Variants in BNC2 observed in about 807,000 individuals in gnomAD.
BNC2 encodes zinc finger protein basonuclin-2.
In BNC2, 20 loss-of-function variants were observed where a neutral mutation model predicts 76.3. The observed-to-expected ratio is 0.26, with a 90% CI of 0.18 to 0.38. The LOEUF (loss-of-function observed/expected upper bound fraction) is 0.38. BNC2 is among the 10% of genes least tolerant of loss of function. The probability of loss-of-function intolerance (pLI) is 1.00; values close to 1 mark genes in which losing one functional copy is unlikely to be tolerated. For synonymous variants in BNC2, 582 were observed against 514.8 expected (o/e 1.13, Z -1.77); for missense variants, 1,382 against 1,399.8 (o/e 0.99, Z 0.20).
chr9:16,653,747 AGTCTCT>A (rs1195330154), intron 3 of BNC2, among the ~76,000 whole-genome samples: 1 of 152,192 alleles, frequency 6.6e-6, no homozygotes, highest in Non-Finnish European at 1.5e-5. Flanking sequence ...TAGGTCTGAC[AGTCTCT>A]GTCTCTGTAC....
At chr9:16,769,151 G>A (rs1825769522) in intron 1 of BNC2, among the ~76,000 whole-genome samples, 3 of 152,194 alleles carry the variant, frequency 2.0e-5, no homozygotes, top group Non-Finnish European at 2.9e-5. Flanking sequence ...TGAAGTCAAA[G>A]TTCCTGGGCC....
intron 5 of BNC2, among the ~76,000 whole-genome samples, chr9:16,464,324 CT>C (rs1405819331): frequency 6.6e-6 from 1 of 152,038 alleles, no homozygotes; most frequent in Non-Finnish European, 1.5e-5. Flanking sequence ...AGTACAGTGT[CT>C]TTGCCATTCA....
chr9:16,752,825 C>T (rs956309860), intron 1 of BNC2, among the ~76,000 whole-genome samples: 1 of 152,010 alleles, frequency 6.6e-6, no homozygotes, highest in Non-Finnish European at 1.5e-5. Context: ...TAAATGTATT[C>T]CACATGGTTA....
At chr9:16,442,394 T>G (rs1349168781) in intron 5 of BNC2, among the ~76,000 whole-genome samples, 1 of 152,234 alleles carries the variant, frequency 6.6e-6, no homozygotes, top group Non-Finnish European at 1.5e-5. Context: ...TGGCACCCTG[T>G]TCCTGTATGG....
chr9:16,786,665 C>G (rs1586883293), intron 1 of BNC2, among the ~76,000 whole-genome samples: 1 of 152,272 alleles, frequency 6.6e-6, no homozygotes, highest in South Asian at 2.1e-4. Flanking sequence ...CCCTCTCTAG[C>G]TCTGAACCCC....
intron 1 of BNC2, among the ~76,000 whole-genome samples, chr9:16,867,082 G>A (rs926422732): frequency 2.6e-5 from 4 of 151,932 alleles, no homozygotes; most frequent in African/African-American, 7.3e-5. Context: ...TAAACCATAC[G>A]ACATAAATTT....
chr9:16,586,601 CCT>C (rs4007742), intron 3 of BNC2, among the ~76,000 whole-genome samples: 135,415 of 150,974 alleles, frequency 0.9, 61,008 homozygotes, highest in East Asian at 1. Context: ...ACTGCTCTCT[CCT>C]CTCTCTCTCT....
intron 5 of BNC2, among the ~76,000 whole-genome samples, chr9:16,531,275 T>C (rs1285303715): frequency 6.6e-6 from 1 of 152,096 alleles, no homozygotes; most frequent in Non-Finnish European, 1.5e-5. Context: ...AGTTCAGTGG[T>C]TAGGCTTTTC....
Position 16,814,334 on chromosome 9 carries a change from C to G in BNC2, c.3+56312G>C, listed in dbSNP as rs112673743. Among the ~76,000 whole-genome samples the G allele has an allele frequency of 1.9e-3, 287 of 152,248 alleles. 3 individuals are homozygous for G. The highest frequency in any genetic ancestry group is 6.5e-3 in the African/African-American group (271 of 41,550). On this transcript the variant is annotated intron_variant, in intron 1 of 6. Transcript: ENST00000380672. The stretch of plus-strand genomic sequence containing the variant: ...TCATATATCTAGGCACTCAATATGT[C>G]TTTATTGGCATAGATATATAGATAT...
chr9:16,832,291 G>C (rs1818594219), intron 1 of BNC2: 1 of 1,281,946 alleles, frequency 7.8e-7, no homozygotes, highest in South Asian at 1.3e-5. Context: ...TCAGTCATGT[G>C]TCATGTTATC....
At chr9:16,742,328 A>G (rs1016437061) in intron 1 of BNC2, among the ~76,000 whole-genome samples, 3 of 152,086 alleles carry the variant, frequency 2.0e-5, no homozygotes, top group Non-Finnish European at 4.4e-5. Context: ...GCCAAGTTCC[A>G]CTCCTTATTG....
At chr9:16,512,079 T>C (rs1030246014) in intron 5 of BNC2, among the ~76,000 whole-genome samples, 1 of 152,216 alleles carries the variant, frequency 6.6e-6, no homozygotes, top group African/African-American at 2.4e-5. Flanking sequence ...TATTAATCTA[T>C]TGTATACACA....
At chr9:16,724,499 C>T (rs946243688) in intron 3 of BNC2, among the ~76,000 whole-genome samples, 12 of 152,048 alleles carry the variant, frequency 7.9e-5, no homozygotes, top group Admixed American at 6.5e-4. Context: ...TTCTCAAATA[C>T]TCAGCTATAT....
intron 1 of BNC2, among the ~76,000 whole-genome samples, chr9:16,784,599 G>T (rs1241379500): frequency 6.6e-6 from 1 of 152,196 alleles, no homozygotes; most frequent in East Asian, 1.9e-4. Flanking sequence ...GGCTTACTCT[G>T]AATACAGAGA....
At chr9:16,771,762 C>T (rs1385094254) in intron 1 of BNC2, among the ~76,000 whole-genome samples, 1 of 152,018 alleles carries the variant, frequency 6.6e-6, no homozygotes, top group Non-Finnish European at 1.5e-5. Flanking sequence ...TTCAATTTTC[C>T]CTAGAAAGGC....
intron 3 of BNC2, among the ~76,000 whole-genome samples, chr9:16,584,454 T>C (rs994287268): frequency 6.6e-6 from 1 of 152,192 alleles, no homozygotes. Flanking sequence ...CATTAATTAA[T>C]ATTAAATCTA....
intron 5 of BNC2, among the ~76,000 whole-genome samples, chr9:16,477,255 C>T (rs755925631): frequency 2.6e-5 from 4 of 152,064 alleles, no homozygotes; most frequent in Non-Finnish European, 4.4e-5. Context: ...CAACACACTG[C>T]CTTTAAAAAG....
intron 2 of BNC2, among the ~76,000 whole-genome samples, chr9:16,734,452 T>TCC (rs140778608): frequency 6.6e-6 from 1 of 151,524 alleles, no homozygotes; most frequent in East Asian, 1.9e-4. Flanking sequence ...CTGGCCCCTC[T>TCC]CATTATAAGA....
At chr9:16,666,245 G>A (rs1822286514) in intron 3 of BNC2, among the ~76,000 whole-genome samples, 1 of 151,972 alleles carries the variant, frequency 6.6e-6, no homozygotes, top group Non-Finnish European at 1.5e-5. Flanking sequence ...TTTGCCAGAG[G>A]GCATCTCTAT....
Sources: allele counts gnomAD v4.1 joint callset (sites outside exome capture counted in the v4.1 genomes callset), GRCh38; gene constraint gnomAD v4.1.1; transcripts MANE v1.5; gene names NCBI Gene and HGNC (gene_info 2026-07-23, HGNC 2026-07-21).